The following SEMA5A variants were observed in gnomAD, a reference collection of about 807,000 sequenced individuals.
SEMA5A encodes semaphorin 5A.
Under a neutral mutation model 135.5 loss-of-function variants are expected in SEMA5A, and 55 were observed. The observed-to-expected ratio is 0.41, with a 90% confidence interval of 0.33 to 0.51. The LOEUF is 0.51. SEMA5A is among the 20% of genes least tolerant of loss of function. The pLI, the probability that SEMA5A is intolerant of heterozygous loss-of-function variation, is 0.37. For synonymous variants in SEMA5A, 580 were observed against 546.5 expected (o/e 1.06, Z -0.85); for missense variants, 1,290 against 1,419.9 (o/e 0.91, Z 1.47).
chr5:9,136,404 T>C (rs1741749533), intron 13 of SEMA5A, 100 bp downstream of exon 13: 1 of 1,001,214 alleles, frequency 1.0e-6, no homozygotes, highest in Admixed American at 1.9e-5. Flanking sequence ...GGTTCTCATA[T>C]GAAAAGGTGC....
chr5:9,069,454 A>G (rs1737653758), intron 16 of SEMA5A, among the ~76,000 whole-genome samples: 1 of 152,194 alleles, frequency 6.6e-6, no homozygotes, highest in South Asian at 2.1e-4. Context: ...CTAACACTGT[A>G]TTAGTATGTT....
chr5:9,441,688 G>A (rs890229765), intron 1 of SEMA5A, among the ~76,000 whole-genome samples: 2 of 152,214 alleles, frequency 1.3e-5, no homozygotes, highest in African/African-American at 4.8e-5. Context: ...TGGATTCCAG[G>A]TGGCAGGCCA....
At chr5:9,111,873 G>A (rs995073192) in intron 15 of SEMA5A, among the ~76,000 whole-genome samples, 1 of 152,176 alleles carries the variant, frequency 6.6e-6, no homozygotes, top group Non-Finnish European at 1.5e-5. Context: ...ATGCCCCTGA[G>A]AGAAGCCCCT....
chr5:9,123,258 CAAAAAAAAAAA>C (rs57533658), intron 13 of SEMA5A, among the ~76,000 whole-genome samples: 53 of 38,924 alleles, frequency 1.4e-3, no homozygotes, highest in African/African-American at 2.8e-3. Context: ...GACTCCGCCT[CAAAAAAAAAAA>C]AAAAAAAAAA....
intron 16 of SEMA5A, among the ~76,000 whole-genome samples, chr5:9,082,437 C>A (rs1738441439): frequency 6.6e-6 from 1 of 152,100 alleles, no homozygotes; most frequent in Admixed American, 6.5e-5. Flanking sequence ...GTCTTGAAAA[C>A]AATTTTCTTC....
chr5:9,174,728 G>T (rs1180486387), intron 11 of SEMA5A, among the ~76,000 whole-genome samples: 6 of 152,120 alleles, frequency 3.9e-5, no homozygotes, highest in Non-Finnish European at 8.8e-5. Context: ...CAAAGCCAAG[G>T]CAGAAAAAAA....
intron 16 of SEMA5A, among the ~76,000 whole-genome samples, chr5:9,069,933 G>A (rs979513792): frequency 1.3e-5 from 2 of 152,156 alleles, no homozygotes; most frequent in Non-Finnish European, 2.9e-5. Context: ...ATAAACCCTT[G>A]TCTTGGACCC....
At chr5:9,061,169 C>G (rs939326838) in intron 18 of SEMA5A, among the ~76,000 whole-genome samples, 3 of 151,946 alleles carry the variant, frequency 2.0e-5, no homozygotes, top group African/African-American at 7.3e-5. Context: ...TGACGCTGCT[C>G]CCAGGATGCA....
intron 16 of SEMA5A, among the ~76,000 whole-genome samples, chr5:9,096,847 A>G (rs1437265797): frequency 2.0e-5 from 3 of 152,180 alleles, no homozygotes; most frequent in African/African-American, 7.2e-5. Flanking sequence ...AAAGCTGCTC[A>G]ACATCACTGG....
At chr5:9,334,866 A>G (rs1753312211) in intron 4 of SEMA5A, among the ~76,000 whole-genome samples, 1 of 152,196 alleles carries the variant, frequency 6.6e-6, no homozygotes, top group African/African-American at 2.4e-5. Flanking sequence ...TTATTTGCTA[A>G]GTCTGGCAAT....
intron 21 of SEMA5A, chr5:9,045,943 G>A (rs779599759): frequency 2.6e-5 from 4 of 152,218 alleles, no homozygotes; most frequent in Non-Finnish European, 5.9e-5. Flanking sequence ...TATTCCTTGT[G>A]TATGTTGGTG....
chr5:9,051,828 G>A (rs1040630042), intron 20 of SEMA5A, 45 bp downstream of exon 20: 2 of 1,608,820 alleles, frequency 1.2e-6, no homozygotes, highest in East Asian at 4.5e-5. Flanking sequence ...CTCTCTCCAT[G>A]TTGGAAATGA....
intron 8 of SEMA5A, among the ~76,000 whole-genome samples, chr5:9,208,607 A>G (rs563991933): frequency 6.6e-5 from 10 of 152,288 alleles, no homozygotes; most frequent in African/African-American, 2.4e-4. Flanking sequence ...GGATGGGGGA[A>G]GAGAACATCC....
intron 2 of SEMA5A, among the ~76,000 whole-genome samples, chr5:9,395,869 A>G (rs1487752414): frequency 6.6e-6 from 1 of 152,194 alleles, no homozygotes; most frequent in African/African-American, 2.4e-5. Context: ...CTCTTTGATT[A>G]TGACCACAGT....
At chr5:9,472,093 C>A (rs1204780875) in intron 1 of SEMA5A, among the ~76,000 whole-genome samples, 1 of 152,114 alleles carries the variant, frequency 6.6e-6, no homozygotes, top group Non-Finnish European at 1.5e-5. Context: ...TGTGCTGCAC[C>A]CATTAACTCT....
chr5:9,212,298 C>T (rs1746384710), intron 8 of SEMA5A, among the ~76,000 whole-genome samples: 2 of 152,222 alleles, frequency 1.3e-5, no homozygotes. Flanking sequence ...AACCATTAAA[C>T]ATTTATTATC....
At chr5:9,286,185 C>A (rs867599712) in intron 5 of SEMA5A, among the ~76,000 whole-genome samples, 4 of 151,984 alleles carry the variant, frequency 2.6e-5, no homozygotes, top group African/African-American at 9.7e-5. Context: ...TAAGGTGTAA[C>A]GATTCCATCT....
chr5:9,509,382 C>T (rs1050901964), intron 1 of SEMA5A, among the ~76,000 whole-genome samples: 1 of 152,172 alleles, frequency 6.6e-6, no homozygotes, highest in African/African-American at 2.4e-5. Flanking sequence ...TCAAGTGATT[C>T]GCCTGTCTCA....
At chr5:9,072,118 C>T (rs1737801298) in intron 16 of SEMA5A, among the ~76,000 whole-genome samples, 1 of 152,116 alleles carries the variant, frequency 6.6e-6, no homozygotes, top group South Asian at 2.1e-4. Flanking sequence ...CTGGATTAAC[C>T]CTTTTATCCA....
Sources: allele counts gnomAD v4.1 joint callset (sites outside exome capture counted in the v4.1 genomes callset), GRCh38; gene constraint gnomAD v4.1.1; transcripts MANE v1.5; gene names NCBI Gene and HGNC (gene_info 2026-07-23, HGNC 2026-07-21).